The following NGEF variants were observed in gnomAD, a reference collection of about 807,000 sequenced individuals.
NGEF encodes the protein ephexin-1.
NGEF carries 31 observed loss-of-function variants against 80.9 expected under a neutral mutation model. The observed-to-expected ratio is 0.38, with a 90% CI of 0.29 to 0.52. The LOEUF is 0.52. Among genes scored for constraint, NGEF ranks in the 20% least tolerant of loss-of-function variants. NGEF has a pLI of 0.84. For missense variants in NGEF, 709 were observed against 926.2 expected (o/e 0.77, Z 3.04); for synonymous variants, 371 against 370.2 (o/e 1.00, Z -0.03).
intron 5 of NGEF, among the ~76,000 whole-genome samples, chr2:232,905,247 G>C (rs998365404): frequency 1.3e-5 from 2 of 152,200 alleles, no homozygotes; most frequent in Non-Finnish European, 2.9e-5. Context: ...GATTGCAGGC[G>C]CGCGCCGCCA....
intron 3 of NGEF, among the ~76,000 whole-genome samples, chr2:232,963,470 A>G (rs1693992587): frequency 6.6e-6 from 1 of 151,962 alleles, no homozygotes; most frequent in African/African-American, 2.4e-5. Flanking sequence ...AACAATAAAA[A>G]AATTTCTAAC....
At chr2:233,012,367 T>C (rs1453371355) in intron 1 of NGEF, among the ~76,000 whole-genome samples, 1 of 152,228 alleles carries the variant, frequency 6.6e-6, no homozygotes, top group Non-Finnish European at 1.5e-5. Flanking sequence ...CACATTTCAG[T>C]CACACCGTGC....
In NGEF at chr2:232,980,188, C is replaced by G. The variant is rs184625066; in HGVS notation, c.-74-5224G>C. ...AGTTGTGCAGCTTCAGGCCCAGGAG[C>G]TGAGGTGGCTGTTACACCTCCCAGC... On this transcript the variant is annotated intron_variant, in intron 1 of 14. Coordinates refer to ENST00000264051, the MANE Select transcript of NGEF (RefSeq NM_019850.3). Among the ~76,000 whole-genome samples, 36 of 152,276 alleles carry G rather than the reference C, an allele frequency of 2.4e-4. 1 individual carries two copies. The highest frequency in any genetic ancestry group is 3.4e-3 in the Middle Eastern group (1 of 294).
At position 232,924,505 on chromosome 2, in the gene NGEF, A is replaced by C. The variant is rs141385186; in HGVS notation, c.526+2539T>G. Among the ~76,000 whole-genome samples, 1,251 of 152,222 alleles carry C rather than the reference A, an allele frequency of 8.2e-3. 29 individuals carry two copies. Among genetic ancestry groups the C allele is most frequent in the Admixed American group, 0.05 (770 of 15,282 alleles). ...ACAGATTAAGATACTGGCCAAGGAG[A>C]GTAAGGGCACATCTTCTAAAGGCTT... On this transcript the variant is annotated intron_variant, in intron 4 of 14. Coordinates refer to ENST00000264051, the MANE Select transcript of NGEF (RefSeq NM_019850.3).
rs138549364 is a variant in NGEF at position 232,909,932 on chromosome 2, G to A, written c.828+10352C>T. On this transcript the variant is annotated intron_variant, in intron 5 of 14. Transcript: ENST00000264051. ...GCCTTTGAGAAACATCGATGCTGTC[G>A]CATATCAATAGTTTCTTCCTTTTTA... Among the ~76,000 whole-genome samples, 77 of 152,270 alleles carry A rather than the reference G, an allele frequency of 5.1e-4. 1 individual carries two copies. The highest frequency in any genetic ancestry group is 1.7e-3 in the African/African-American group (70 of 41,540).
At chr2:232,897,838 A>G (rs1308777390) in intron 5 of NGEF, among the ~76,000 whole-genome samples, 2 of 150,490 alleles carry the variant, frequency 1.3e-5, no homozygotes, top group Non-Finnish European at 3.0e-5. Flanking sequence ...AGCACACAGC[A>G]GCACCTCACT....
intron 5 of NGEF, among the ~76,000 whole-genome samples, chr2:232,915,639 T>C (rs953918349): frequency 7.9e-5 from 12 of 152,302 alleles, no homozygotes; most frequent in African/African-American, 2.9e-4. Context: ...TCCTGTAGGA[T>C]AGTGGAGTGC....
At chr2:232,944,758 T>TATATAC (rs1260211064) in intron 3 of NGEF, among the ~76,000 whole-genome samples, 10 of 124,216 alleles carry the variant, frequency 8.1e-5, no homozygotes, top group Non-Finnish European at 8.5e-5. Flanking sequence ...TATATATATA[T>TATATAC]ATATCTTTTT....
chr2:232,917,673 A>G (rs111299976), intron 5 of NGEF, among the ~76,000 whole-genome samples: 3 of 152,076 alleles, frequency 2.0e-5, no homozygotes, highest in African/African-American at 7.2e-5. Flanking sequence ...AGATGACAAA[A>G]CAAGATGACT....
chr2:233,002,966 G>T (rs926108395), intron 1 of NGEF, among the ~76,000 whole-genome samples: 1 of 152,186 alleles, frequency 6.6e-6, no homozygotes, highest in African/African-American at 2.4e-5. Context: ...ACTGACCTCA[G>T]CGAGTCTGCA....
chr2:232,886,212 C>T (rs1259234850), intron 9 of NGEF, among the ~76,000 whole-genome samples: 1 of 75,986 alleles, frequency 1.3e-5, no homozygotes, highest in Non-Finnish European at 2.8e-5. Flanking sequence ...GCTATGCATA[C>T]TGTGTGTGAT....
intron 1 of NGEF, among the ~76,000 whole-genome samples, chr2:232,984,585 A>G (rs1694497476): frequency 6.6e-6 from 1 of 152,182 alleles, no homozygotes; most frequent in African/African-American, 2.4e-5. Context: ...CCGGCCAGCA[A>G]AAAAGGCCAA....
intron 3 of NGEF, among the ~76,000 whole-genome samples, chr2:232,961,064 G>C (rs1376883958): frequency 6.6e-6 from 1 of 152,112 alleles, no homozygotes; most frequent in African/African-American, 2.4e-5. Context: ...TACCAAAGAG[G>C]ACTTGCAAAG....
Position 233,005,555 on chromosome 2 carries a change from A to C in NGEF, c.-75+7513T>G, listed in dbSNP as rs574793650. On this transcript the variant is annotated intron_variant, in intron 1 of 14. Coordinates refer to ENST00000264051, the MANE Select transcript of NGEF (RefSeq NM_019850.3). The stretch of plus-strand genomic sequence containing the variant: ...CAGATTACTCAGGTGGATGCAGTAT[A>C]TTCACAAGGCTCCTTATAAGAGGAA... Among the ~76,000 whole-genome samples the C allele has an allele frequency of 9.0e-3, 1,364 of 152,324 alleles. 15 individuals carry two copies. The highest frequency in any genetic ancestry group is 0.024 in the African/African-American group (1,010 of 41,586).
At chr2:232,891,548 C>G in intron 7 of NGEF, 61 bp from the exon 8 acceptor site, 1 of 1,540,102 alleles carries the variant, frequency 6.5e-7, no homozygotes, top group Non-Finnish European at 8.8e-7. Flanking sequence ...CTGGAGACTC[C>G]TCCTCCCCAT....
chr2:233,008,272 A>T (rs537214627), intron 1 of NGEF, among the ~76,000 whole-genome samples: 1 of 152,264 alleles, frequency 6.6e-6, no homozygotes, highest in South Asian at 2.1e-4. Flanking sequence ...GTATGGAGGC[A>T]GTTGTGGGGG....
chr2:232,927,916 C>T (rs1003243422), intron 3 of NGEF: 67 of 1,326,434 alleles, frequency 5.1e-5, no homozygotes, highest in Non-Finnish European at 6.0e-5. Context: ...GTCCCGCCGC[C>T]GAGTCGCGCG....
intron 1 of NGEF, among the ~76,000 whole-genome samples, chr2:232,980,447 T>A (rs548688991): frequency 6.6e-6 from 1 of 152,034 alleles, no homozygotes; most frequent in South Asian, 2.1e-4. Flanking sequence ...TCTCGTTAAA[T>A]CACAGATTCT....
intron 3 of NGEF, among the ~76,000 whole-genome samples, chr2:232,950,535 G>A (rs1034660339): frequency 1.3e-5 from 2 of 151,980 alleles, no homozygotes; most frequent in Admixed American, 6.6e-5. Flanking sequence ...AGGAGACCAG[G>A]ATCTGGGGCA....
Sources: allele counts gnomAD v4.1 joint callset (sites outside exome capture counted in the v4.1 genomes callset), GRCh38; gene constraint gnomAD v4.1.1; transcripts MANE v1.5; gene names NCBI Gene and HGNC (gene_info 2026-07-23, HGNC 2026-07-21).